The following PCBP3 variants were observed in gnomAD, a reference collection of about 807,000 sequenced individuals.
PCBP3 encodes poly(rC) binding protein 3.
Under a neutral mutation model 52.7 loss-of-function variants are expected in PCBP3, and 25 were observed. That is an observed-to-expected ratio of 0.47 (90% CI 0.35 to 0.66). PCBP3 has a LOEUF of 0.66. Among genes scored for constraint, PCBP3 ranks in the 30% least tolerant of loss-of-function variants. The pLI, the probability that PCBP3 is intolerant of heterozygous loss-of-function variation, is 0.01. For missense variants in PCBP3, 391 were observed against 490.3 expected (o/e 0.80, Z 1.91); for synonymous variants, 162 against 183.0 (o/e 0.89, Z 0.93).
intron 5 of PCBP3, among the ~76,000 whole-genome samples, chr21:45,894,828 C>T (rs2095783553): frequency 1.3e-5 from 2 of 152,240 alleles, no homozygotes; most frequent in African/African-American, 2.4e-5. Context: ...CTTTGTGCTA[C>T]GTGAAGTCCT....
Position 45,843,538 on chromosome 21 carries a change from A to T in PCBP3, c.-125-6423A>T, listed in dbSNP as rs1185790077. Among the ~76,000 whole-genome samples the T allele has an allele frequency of 2.6e-5, 4 of 152,156 alleles. No individual in the cohort carries two copies. The East Asian group carries it at 7.7e-4, about 29-fold the overall frequency. Reference sequence around the variant, plus strand: ...TCTTTACTCCTTTTAAAAGCTATAAACTTTACTGTGAGTTCTGTTGCAGCT... The same window carrying T: ...TCTTTACTCCTTTTAAAAGCTATAATCTTTACTGTGAGTTCTGTTGCAGCT... On this transcript the variant is annotated intron_variant, in intron 4 of 17. Transcript: ENST00000681687.
chr21:45,884,957 T>TA (rs1228000432), intron 5 of PCBP3, among the ~76,000 whole-genome samples: 1 of 152,240 alleles, frequency 6.6e-6, no homozygotes, highest in Non-Finnish European at 1.5e-5. Context: ...AATCATAGTT[T>TA]AGAGGACTCG....
At chr21:45,840,404 C>G (rs934909409) in intron 4 of PCBP3, among the ~76,000 whole-genome samples, 6 of 145,228 alleles carry the variant, frequency 4.1e-5, no homozygotes, top group Non-Finnish European at 7.4e-5. Flanking sequence ...TCGCAGTGAG[C>G]TGAGATTGCG....
Position 45,901,001 on chromosome 21 carries a change from G to C in PCBP3, c.227G>C (p.Gly76Ala), listed in dbSNP as rs2096020536. The change falls in exon 9 of 18, where the codon GGT becomes GCT. Residue 76 changes from glycine to alanine, a missense_variant. Gly to Ala is a moderately conservative substitution (Grantham distance 60). Transcript: ENST00000681687. ...ETVKKMREESGARINISEGNC... is the reference protein window; with the variant it reads ...ETVKKMREESAARINISEGNC... ...GTTTCTCTGCTCTCACCTTAGAGTGGTGCAAGGATCAACATCTCAGAGGGA... is the reference window on the plus strand; with the variant it reads ...GTTTCTCTGCTCTCACCTTAGAGTGCTGCAAGGATCAACATCTCAGAGGGA... 6.2e-7 allele frequency: 1 copy of C among 1,612,090 alleles called. No individual in the cohort carries two copies. Among genetic ancestry groups the C allele is most frequent in the Non-Finnish European group, 8.5e-7 (1 of 1,178,294 alleles).
At chr21:45,739,850 ACACT>A (rs993934569) in intron 3 of PCBP3, among the ~76,000 whole-genome samples, 1 of 152,154 alleles carries the variant, frequency 6.6e-6, no homozygotes, top group Non-Finnish European at 1.5e-5. Context: ...ACTGTCACAC[ACACT>A]CTCTTCGCTT....
At chr21:45,789,235 CAT>C (rs2091368619) in intron 4 of PCBP3, among the ~76,000 whole-genome samples, 1 of 152,148 alleles carries the variant, frequency 6.6e-6, no homozygotes, top group African/African-American at 2.4e-5. Context: ...TTTGTGCATA[CAT>C]AGTGTGTGCA....
intron 5 of PCBP3, chr21:45,858,475 C>T (rs1207782590): frequency 6.6e-6 from 1 of 152,234 alleles, no homozygotes; most frequent in Non-Finnish European, 1.5e-5. Flanking sequence ...GTCAGCAGGA[C>T]ACTGCCTTAG....
chr21:45,703,162 G>A lies in PCBP3; in HGVS notation c.-199-32230G>A, dbSNP rs372904890. On this transcript the variant is annotated intron_variant, in intron 2 of 17. Transcript: ENST00000681687. ...AGGATGGAACCCCTTAAAGGCATCCGTGAGGGTTGGAATCAACTTCTTCCA... is the reference window on the plus strand; with the variant it reads ...AGGATGGAACCCCTTAAAGGCATCCATGAGGGTTGGAATCAACTTCTTCCA... Among the ~76,000 whole-genome samples, 80 of 152,240 alleles carry A rather than the reference G, an allele frequency of 5.3e-4. 1 individual carries two copies. Among genetic ancestry groups the A allele is most frequent in the African/African-American group, 1.2e-3 (48 of 41,520 alleles).
intron 4 of PCBP3, among the ~76,000 whole-genome samples, chr21:45,757,664 T>C (rs2088195817): frequency 6.6e-6 from 1 of 152,188 alleles, no homozygotes; most frequent in Non-Finnish European, 1.5e-5. Context: ...AGCTCTTACA[T>C]TTAGGTCTTT....
At chr21:45,866,914 CA>C (rs377547130) in intron 5 of PCBP3, among the ~76,000 whole-genome samples, 361 of 152,308 alleles carry the variant, frequency 2.4e-3, no homozygotes, top group Non-Finnish European at 4.1e-3. Flanking sequence ...AAGAAGGGAA[CA>C]GGAATCCCAT....
intron 5 of PCBP3, among the ~76,000 whole-genome samples, chr21:45,865,924 TCAGGGCCACAGGCCGGATGCTATGA>T (rs1298781139): frequency 1.3e-5 from 2 of 152,156 alleles, no homozygotes; most frequent in African/African-American, 4.8e-5. Flanking sequence ...CTGAAGGGAC[TCAGGGCCACAGGCCGGATGCTATGA>T]CAGGGTCTCC....
chr21:45,917,573 T>G lies in PCBP3; in HGVS notation c.676-15T>G. On this transcript the variant is annotated splice_polypyrimidine_tract_variant and intron_variant, in intron 12 of 17. Coordinates refer to ENST00000681687, the MANE Select transcript of PCBP3 (RefSeq NM_001384156.1). The surrounding 1 kb of genome is among the most constrained non-coding windows in gnomAD (Gnocchi z 5.3). ...AGCCAGGTTGCAGTCTGACGGGGTC[T>G]CTCTCTCTCTCTAGGCCTACACAAT... 1 of 1,593,906 alleles carries G rather than the reference T, an allele frequency of 6.3e-7. No individual in the cohort carries two copies. Among genetic ancestry groups the G allele is most frequent in the Non-Finnish European group, 8.6e-7 (1 of 1,164,348 alleles).
chr21:45,844,610 C>T (rs998098798), intron 4 of PCBP3, among the ~76,000 whole-genome samples: 6 of 151,982 alleles, frequency 3.9e-5, no homozygotes, highest in East Asian at 1.9e-4. Flanking sequence ...TGGTGCTCCC[C>T]GCGGCATGGT....
intron 2 of PCBP3, among the ~76,000 whole-genome samples, chr21:45,725,839 CATGGAGCAAAGACCTG>C (rs1164262662): frequency 3.4e-5 from 5 of 146,354 alleles, no homozygotes; most frequent in Non-Finnish European, 7.5e-5. Context: ...AGGAGGCGTG[CATGGAGCAAAGACCTG>C]ATGGAGGAAA....
chr21:45,679,039 A>G (rs2081648466), intron 2 of PCBP3, among the ~76,000 whole-genome samples: 1 of 152,024 alleles, frequency 6.6e-6, no homozygotes, highest in Admixed American at 6.6e-5. Flanking sequence ...CCACCACTAA[A>G]AAGATGATGA....
At chr21:45,905,181 C>A (rs570998714) in intron 9 of PCBP3, among the ~76,000 whole-genome samples, 30 of 152,326 alleles carry the variant, frequency 2.0e-4, no homozygotes, top group East Asian at 1.9e-4. Flanking sequence ...CGAGGCTTAG[C>A]TGGAGTCAAG....
At chr21:45,715,945 T>C (rs1179166743) in intron 2 of PCBP3, among the ~76,000 whole-genome samples, 1 of 152,136 alleles carries the variant, frequency 6.6e-6, no homozygotes, top group African/African-American at 2.4e-5. Context: ...TTTTTGATCA[T>C]GTCCTTGCAA....
intron 4 of PCBP3, among the ~76,000 whole-genome samples, chr21:45,822,689 T>A (rs916058388): frequency 4.6e-5 from 7 of 150,960 alleles, no homozygotes; most frequent in Non-Finnish European, 1.0e-4. Context: ...GGGGACAGGG[T>A]TAGGAGAGTG....
chr21:45,848,848 T>C (rs1356613370), intron 4 of PCBP3, among the ~76,000 whole-genome samples: 1 of 152,106 alleles, frequency 6.6e-6, no homozygotes, highest in East Asian at 1.9e-4. Context: ...ACTTCAGGAG[T>C]GTCTGCGACT....
Sources: gnomAD v4.1 joint callset for allele counts (sites outside exome capture counted in the v4.1 genomes callset) on GRCh38, gnomAD v4.1.1 for gene constraint, Gnocchi (gnomAD v3.1) non-coding constraint, MANE v1.5 for transcripts, NCBI Gene and HGNC (gene_info 2026-07-23, HGNC 2026-07-21) for gene names.